CSMD1: variants seen among roughly 807,000 people sequenced by gnomAD.
CSMD1 encodes CUB and Sushi multiple domains 1.
CSMD1 carries 213 observed loss-of-function variants against 417.5 expected under a neutral mutation model. The ratio of observed to expected loss-of-function variants is 0.51; its 90% CI spans 0.46 to 0.57. The LOEUF is 0.57. CSMD1 is among the 20% of genes least tolerant of loss of function. The pLI, the probability that CSMD1 is intolerant of heterozygous loss-of-function variation, is 0.00. For synonymous variants in CSMD1, 2,862 were observed against 1,736.8 expected, an observed-to-expected ratio of 1.65 and a Z score of -16.11; for missense variants, 6,923 against 4,529.7, an observed-to-expected ratio of 1.53 and a Z score of -15.17.
At chr8:4,275,414 A>C (rs1228839453) in intron 3 of CSMD1, among the ~76,000 whole-genome samples, 1 of 152,148 alleles carries the variant, frequency 6.6e-6, no homozygotes, top group Non-Finnish European at 1.5e-5. Context: ...AAGGAGAATA[A>C]ATACATTGAT....
At chr8:3,378,594 A>C (rs1192034131) in intron 18 of CSMD1, among the ~76,000 whole-genome samples, 1 of 152,202 alleles carries the variant, frequency 6.6e-6, no homozygotes, top group Non-Finnish European at 1.5e-5. Context: ...CTAGTTCCAT[A>C]TATGCAAATC....
intron 5 of CSMD1, among the ~76,000 whole-genome samples, chr8:3,974,342 G>C (rs925832314): frequency 6.6e-6 from 1 of 151,558 alleles, no homozygotes; most frequent in Non-Finnish European, 1.5e-5. Context: ...TGTTTGAGTA[G>C]TTGAAAGAAA....
At chr8:4,474,139 G>A (rs556069916) in intron 2 of CSMD1, among the ~76,000 whole-genome samples, 1 of 152,194 alleles carries the variant, frequency 6.6e-6, no homozygotes, top group East Asian at 1.9e-4. Context: ...TGATAAATTT[G>A]CCTGCCTTAC....
chr8:3,721,603 C>G lies in CSMD1; in HGVS notation c.932-13112G>C, dbSNP rs189798841. ...CAGGTTCAAACTTATTTTCTCCTTT[C>G]TCAGTCCTACCTTAATTATTCTTAT... On this transcript the variant is annotated intron_variant, in intron 6 of 69. Coordinates refer to ENST00000635120, the MANE Select transcript of CSMD1 (RefSeq NM_033225.6). 2.0e-5 allele frequency among the ~76,000 whole-genome samples: 3 copies of G among 152,322 alleles called. No individual in the cohort carries two copies. The South Asian group carries it at 6.2e-4, about 32-fold the overall frequency.
chr8:4,829,477 A>G (rs920863573), intron 1 of CSMD1, among the ~76,000 whole-genome samples: 1 of 152,066 alleles, frequency 6.6e-6, no homozygotes, highest in African/African-American at 2.4e-5. Flanking sequence ...TGCAGTGGCT[A>G]ATACCTGTAA....
At chr8:3,507,755 G>C (rs542637127) in intron 10 of CSMD1, among the ~76,000 whole-genome samples, 2 of 152,192 alleles carry the variant, frequency 1.3e-5, no homozygotes, top group African/African-American at 4.8e-5. Flanking sequence ...CTGATGGCCA[G>C]TGATGATGAG....
chr8:3,892,156 C>G (rs1421108108), intron 5 of CSMD1, among the ~76,000 whole-genome samples: 2 of 152,104 alleles, frequency 1.3e-5, no homozygotes, highest in Non-Finnish European at 2.9e-5. Context: ...AAGGTAACAG[C>G]CCCAAATATA....
intron 1 of CSMD1, among the ~76,000 whole-genome samples, chr8:4,807,524 G>C (rs940065409): frequency 1.3e-5 from 2 of 152,152 alleles, no homozygotes; most frequent in African/African-American, 4.8e-5. Flanking sequence ...AGACAAACCA[G>C]AGAGCAGGAC....
At chr8:4,224,690 T>C (rs1366036544) in intron 3 of CSMD1, among the ~76,000 whole-genome samples, 1 of 152,222 alleles carries the variant, frequency 6.6e-6, no homozygotes, top group Non-Finnish European at 1.5e-5. Context: ...TTCAGATGCA[T>C]GGAGATGAAT....
intron 2 of CSMD1, among the ~76,000 whole-genome samples, chr8:4,458,761 T>G (rs1336595641): frequency 6.6e-6 from 1 of 152,176 alleles, no homozygotes; most frequent in Admixed American, 6.5e-5. Flanking sequence ...AAACATTTTA[T>G]GCATTGAATA....
At chr8:4,029,639 C>T (rs1797238459) in intron 4 of CSMD1, among the ~76,000 whole-genome samples, 1 of 152,074 alleles carries the variant, frequency 6.6e-6, no homozygotes, top group African/African-American at 2.4e-5. Flanking sequence ...ACAGCCAAAC[C>T]ATATCATTTC....
At chr8:4,290,339 T>C (rs763940758) in intron 3 of CSMD1, among the ~76,000 whole-genome samples, 62 of 152,174 alleles carry the variant, frequency 4.1e-4, no homozygotes, top group Non-Finnish European at 7.6e-4. Context: ...TTCTACACAG[T>C]AATGCTCTAT....
intron 10 of CSMD1, among the ~76,000 whole-genome samples, chr8:3,543,598 G>C (rs572734806): frequency 6.6e-6 from 1 of 150,560 alleles, no homozygotes; most frequent in African/African-American, 2.5e-5. Flanking sequence ...AACAAAAGAA[G>C]GATTAAATAT....
intron 25 of CSMD1, among the ~76,000 whole-genome samples, chr8:3,295,657 C>T (rs1283889415): frequency 1.3e-5 from 2 of 152,264 alleles, no homozygotes; most frequent in Middle Eastern, 3.4e-3. Context: ...CTCGCTCTCC[C>T]TTGGGATTCT....
At chr8:3,535,727 C>G (rs768478687) in intron 10 of CSMD1, among the ~76,000 whole-genome samples, 14 of 152,160 alleles carry the variant, frequency 9.2e-5, no homozygotes, top group Non-Finnish European at 1.8e-4. Context: ...TCCAAGTAAA[C>G]TTGATTTTAA....
intron 12 of CSMD1, among the ~76,000 whole-genome samples, chr8:3,451,634 G>C (rs2117107861): frequency 6.6e-6 from 1 of 152,204 alleles, no homozygotes; most frequent in East Asian, 1.9e-4. Context: ...GTAGATATAT[G>C]GCATTATTTC....
At chr8:4,153,920 G>C (rs930887268) in intron 3 of CSMD1, among the ~76,000 whole-genome samples, 2 of 152,216 alleles carry the variant, frequency 1.3e-5, no homozygotes, top group African/African-American at 4.8e-5. Context: ...CCCAGCCAAC[G>C]AGGCACTGTG....
chr8:4,333,090 T>A (rs544227768), intron 3 of CSMD1, among the ~76,000 whole-genome samples: 1 of 152,238 alleles, frequency 6.6e-6, no homozygotes, highest in South Asian at 2.1e-4. Flanking sequence ...TTTTTCAGGA[T>A]GGAATTGTGT....
chr8:4,311,696 C>A (rs1455054109), intron 3 of CSMD1, among the ~76,000 whole-genome samples: 1 of 142,080 alleles, frequency 7.0e-6, no homozygotes, highest in East Asian at 2.4e-4. Flanking sequence ...GCACTCCAGC[C>A]TGGGCAACAA....
Sources: allele counts gnomAD v4.1 joint callset (sites outside exome capture counted in the v4.1 genomes callset), GRCh38; gene constraint gnomAD v4.1.1; transcripts MANE v1.5; gene names NCBI Gene and HGNC (gene_info 2026-07-23, HGNC 2026-07-21).